Variants in DIP2B observed in about 807,000 individuals in gnomAD.
The protein encoded by DIP2B is disco-interacting protein 2 homolog B.
A neutral mutation model predicts 198.0 loss-of-function variants in DIP2B; 76 were observed. The ratio of observed to expected loss-of-function variants is 0.38; its 90% confidence interval spans 0.32 to 0.46. The LOEUF (loss-of-function observed/expected upper bound fraction) is 0.46, where lower values mean the gene tolerates loss of function less well. Ranked by LOEUF, DIP2B falls within the 20% of genes least tolerant of loss-of-function variation. DIP2B has a pLI of 0.99. For missense variants in DIP2B, 1,559 were observed against 1,978.4 expected (o/e 0.79, Z 4.02); for synonymous variants, 701 against 739.1 (o/e 0.95, Z 0.84).
At chr12:50,637,901 C>T (rs982490385) in intron 2 of DIP2B, among the ~76,000 whole-genome samples, 7 of 152,106 alleles carry the variant, frequency 4.6e-5, no homozygotes, top group African/African-American at 1.7e-4. Context: ...TCATCCTTAC[C>T]ATATTCAAAC....
intron 30 of DIP2B, among the ~76,000 whole-genome samples, chr12:50,730,302 G>A (rs1940015628): frequency 1.3e-5 from 2 of 151,808 alleles, no homozygotes; most frequent in African/African-American, 2.4e-5. Context: ...TGTATGCTAC[G>A]ATTTCAGTTG....
intron 1 of DIP2B, among the ~76,000 whole-genome samples, chr12:50,592,450 C>T (rs1462016378): frequency 1.3e-5 from 2 of 152,032 alleles, no homozygotes; most frequent in Non-Finnish European, 2.9e-5. Context: ...AGCCACTGCG[C>T]CGGGCCTTAA....
intron 1 of DIP2B, among the ~76,000 whole-genome samples, chr12:50,562,371 G>A (rs1372213402): frequency 6.6e-6 from 1 of 151,864 alleles, no homozygotes; most frequent in Non-Finnish European, 1.5e-5. Context: ...GCATAGAACA[G>A]GGCTTTCCTA....
chr12:50,597,023 T>C (rs1377077572), intron 1 of DIP2B, among the ~76,000 whole-genome samples: 1 of 152,188 alleles, frequency 6.6e-6, no homozygotes, highest in Non-Finnish European at 1.5e-5. Context: ...TTTTTTGTTA[T>C]GTAGGTAGGG....
chr12:50,736,999 C>T (rs1940150054), intron 34 of DIP2B, 37 bp from the exon 35 acceptor site: 4 of 1,600,800 alleles, frequency 2.5e-6, no homozygotes, highest in Non-Finnish European at 2.6e-6. Flanking sequence ...TTAGATTTCA[C>T]TGAACTCAAT....
At chr12:50,511,291 A>ATTGTTTTTTTTTTT (rs1958013678) in intron 1 of DIP2B, among the ~76,000 whole-genome samples, 1 of 64,664 alleles carries the variant, frequency 1.5e-5, no homozygotes, top group Non-Finnish European at 2.7e-5. Context: ...TGTGATTTCT[A>ATTGTTTTTTTTTTT]TTTTTTTTTT....
intron 1 of DIP2B, among the ~76,000 whole-genome samples, chr12:50,508,019 C>T (rs1384390603): frequency 6.6e-6 from 1 of 151,974 alleles, no homozygotes; most frequent in East Asian, 1.9e-4. Flanking sequence ...TTTTCAGCTG[C>T]AGGCTTTGGT....
chr12:50,629,088 T>C (rs1013756851), intron 2 of DIP2B, among the ~76,000 whole-genome samples: 2 of 152,108 alleles, frequency 1.3e-5, no homozygotes, highest in African/African-American at 4.8e-5. Flanking sequence ...TGCCATGTTG[T>C]CCAAGCTGGT....
intron 4 of DIP2B, among the ~76,000 whole-genome samples, chr12:50,666,632 T>C (rs1429730176): frequency 6.6e-6 from 1 of 152,110 alleles, no homozygotes; most frequent in Non-Finnish European, 1.5e-5. Context: ...TGATAAAACC[T>C]TGGGCCCATC....
chr12:50,536,867 ATT>A (rs11390181), intron 1 of DIP2B, among the ~76,000 whole-genome samples: 2 of 144,236 alleles, frequency 1.4e-5, no homozygotes, highest in Non-Finnish European at 1.5e-5. Flanking sequence ...CAATAATTGT[ATT>A]TTTTTTTTTT....
intron 32 of DIP2B, among the ~76,000 whole-genome samples, chr12:50,733,497 G>A (rs1451605537): frequency 6.6e-6 from 1 of 152,052 alleles, no homozygotes; most frequent in Non-Finnish European, 1.5e-5. Flanking sequence ...AGACCAGCCT[G>A]GGCAACATAG....
At chr12:50,653,346 C>CTTTTTTTTTTTTTTTTTTTTTTTT (rs34185073) in intron 3 of DIP2B, among the ~76,000 whole-genome samples, 1 of 76,644 alleles carries the variant, frequency 1.3e-5, no homozygotes, top group Non-Finnish European at 2.4e-5. Context: ...TTTTTCTTTT[C>CTTTTTTTTTTTTTTTTTTTTTTTT]TTTTTTTTTT....
intron 1 of DIP2B, among the ~76,000 whole-genome samples, chr12:50,612,287 C>T (rs1278028709): frequency 6.6e-6 from 1 of 152,122 alleles, no homozygotes; most frequent in Non-Finnish European, 1.5e-5. Flanking sequence ...GGAGAATTAG[C>T]CTAGGAGGAA....
chr12:50,722,307 C>T (rs900902171), intron 26 of DIP2B, among the ~76,000 whole-genome samples: 13 of 142,942 alleles, frequency 9.1e-5, no homozygotes, highest in Admixed American at 6.8e-5. Context: ...ATTTTTGAGA[C>T]GGAGCCTTGC....
intron 2 of DIP2B, among the ~76,000 whole-genome samples, chr12:50,631,418 G>C (rs1360360900): frequency 1.3e-5 from 2 of 151,980 alleles, no homozygotes; most frequent in East Asian, 3.9e-4. Context: ...GTAGGGACAG[G>C]GTTTCACCAT....
chr12:50,627,408 A>G (rs556731281), intron 2 of DIP2B, among the ~76,000 whole-genome samples: 64 of 152,168 alleles, frequency 4.2e-4, no homozygotes, highest in Non-Finnish European at 7.8e-4. Context: ...ATCATGGTTC[A>G]CTACAGCCTC....
intron 27 of DIP2B, 77 bp downstream of exon 27, chr12:50,723,400 T>C: frequency 6.4e-7 from 1 of 1,574,740 alleles, no homozygotes; most frequent in East Asian, 2.3e-5. Context: ...CTTACTAATT[T>C]TCCAATTTTG....
chr12:50,682,584 G>A (rs184873822), intron 9 of DIP2B, among the ~76,000 whole-genome samples: 32 of 129,570 alleles, frequency 2.5e-4, no homozygotes, highest in Admixed American at 3.8e-4. Context: ...AGCTGAGATC[G>A]CACCACTGCA....
intron 1 of DIP2B, among the ~76,000 whole-genome samples, chr12:50,621,031 G>A (rs1489868829): frequency 1.3e-5 from 2 of 152,248 alleles, no homozygotes; most frequent in Admixed American, 6.5e-5. Flanking sequence ...CATGGGAGGG[G>A]TCTGGGAATT....
Sources: gnomAD v4.1 joint callset for allele counts (sites outside exome capture counted in the v4.1 genomes callset) on GRCh38, gnomAD v4.1.1 for gene constraint, MANE v1.5 for transcripts, NCBI Gene and HGNC (gene_info 2026-07-23, HGNC 2026-07-21) for gene names.